Variants in SLC4A4 observed in about 807,000 individuals in gnomAD.
SLC4A4 encodes the protein solute carrier family 4 member 4, also known as electrogenic sodium bicarbonate cotransporter 1.
SLC4A4 carries 27 observed loss-of-function variants against 111.5 expected under a neutral mutation model. The ratio of observed to expected loss-of-function variants is 0.24; its 90% confidence interval spans 0.18 to 0.33. SLC4A4 has a LOEUF of 0.33. SLC4A4 is among the 10% of genes least tolerant of loss of function. The probability of loss-of-function intolerance (pLI) is 1.00; values close to 1 mark genes in which losing one functional copy is unlikely to be tolerated. For missense variants in SLC4A4, 909 were observed against 1,315.5 expected, an observed-to-expected ratio of 0.69 and a Z score of 4.78; for synonymous variants, 443 against 463.4, an observed-to-expected ratio of 0.96 and a Z score of 0.57.
intron 7 of SLC4A4, among the ~76,000 whole-genome samples, chr4:71,436,237 G>A (rs186391534): frequency 1.0e-3 from 155 of 152,248 alleles, no homozygotes; most frequent in African/African-American, 3.6e-3. Context: ...CATAAAAAAG[G>A]ATGAGTTCAT....
intron 23 of SLC4A4, among the ~76,000 whole-genome samples, chr4:71,563,371 G>C (rs1737162824): frequency 2.9e-5 from 1 of 34,488 alleles, no homozygotes; most frequent in Non-Finnish European, 1.8e-4. Context: ...GATCGGTCAT[G>C]ATTTTATCTA....
intron 13 of SLC4A4, among the ~76,000 whole-genome samples, chr4:71,470,106 T>C (rs1049255378): frequency 1.3e-5 from 2 of 152,054 alleles, no homozygotes; most frequent in Non-Finnish European, 2.9e-5. Context: ...GTCTCAGAAG[T>C]AACAGAACTG....
chr4:71,179,796 A>G (rs1455379217), intron 2 of SLC4A4, among the ~76,000 whole-genome samples: 3 of 152,204 alleles, frequency 2.0e-5, no homozygotes, highest in Non-Finnish European at 4.4e-5. Flanking sequence ...TTATAGATTC[A>G]ATGCCATCCC....
At chr4:71,155,655 G>A (rs941877249) in intron 2 of SLC4A4, among the ~76,000 whole-genome samples, 9 of 151,942 alleles carry the variant, frequency 5.9e-5, no homozygotes, top group African/African-American at 1.5e-4. Context: ...TTAGAGATGG[G>A]GTTTCACTCT....
intron 6 of SLC4A4, among the ~76,000 whole-genome samples, chr4:71,384,616 G>A (rs78704685): frequency 0.028 from 3,970 of 139,530 alleles, 100 homozygotes; most frequent in Middle Eastern, 0.056. Context: ...AGCCTGGGCG[G>A]CACAGCAAGA....
intron 1 of SLC4A4, among the ~76,000 whole-genome samples, chr4:71,193,214 C>T (rs1438602055): frequency 3.3e-5 from 5 of 152,150 alleles, no homozygotes; most frequent in Admixed American, 2.0e-4. Flanking sequence ...GGCTGGAGTG[C>T]GGTGGCCGGA....
chr4:71,088,442 T>A (rs1350743765), intron 1 of SLC4A4, among the ~76,000 whole-genome samples: 1 of 152,062 alleles, frequency 6.6e-6, no homozygotes, highest in Non-Finnish European at 1.5e-5. Flanking sequence ...TTGGATCCTG[T>A]CATCATGATG....
intron 18 of SLC4A4, among the ~76,000 whole-genome samples, chr4:71,541,702 G>T (rs1210767651): frequency 6.7e-6 from 1 of 148,484 alleles, no homozygotes; most frequent in Non-Finnish European, 1.5e-5. Context: ...CAGCAGTGAG[G>T]ATGGATGGGG....
In SLC4A4 at chr4:71,447,638, T is replaced by C. The variant is rs1373833717; in HGVS notation, c.966-8T>C. The stretch of plus-strand genomic sequence containing the variant: ...GTTATAGCCTTTGCTTCTTTCCTTT[T>C]CCATTAGGTTCTTGTTCATTCTCTT... On this transcript the variant is annotated splice_region_variant and splice_polypyrimidine_tract_variant and intron_variant, in intron 8 of 25. Transcript: ENST00000264485. 1 of 1,585,300 alleles carries C rather than the reference T, an allele frequency of 6.3e-7. No individual in the cohort carries two copies. Among genetic ancestry groups the C allele is most frequent in the Non-Finnish European group, 8.7e-7 (1 of 1,154,252 alleles).
intron 2 of SLC4A4, among the ~76,000 whole-genome samples, chr4:71,102,773 C>G (rs1742796044): frequency 6.6e-6 from 1 of 151,422 alleles, no homozygotes; most frequent in Non-Finnish European, 1.5e-5. Flanking sequence ...GAAGGAAGCA[C>G]TAAACATGGA....
chr4:71,176,223 T>C (rs917927609), intron 2 of SLC4A4, among the ~76,000 whole-genome samples: 17 of 151,794 alleles, frequency 1.1e-4, no homozygotes, highest in Non-Finnish European at 2.2e-4. Context: ...ACCACAAAGA[T>C]GGGGAAAAAA....
At chr4:71,385,191 A>ATATATATATATATATATT (rs56949097) in intron 6 of SLC4A4, among the ~76,000 whole-genome samples, 1 of 11,896 alleles carries the variant, frequency 8.4e-5, no homozygotes, top group Non-Finnish European at 1.6e-4. Flanking sequence ...ATATATATAT[A>ATATATATATATATATATT]TTTTTTTTTT....
At chr4:71,547,612 A>G in intron 19 of SLC4A4, 36 bp from the exon 20 acceptor site, 1 of 1,538,182 alleles carries the variant, frequency 6.5e-7, no homozygotes, top group Non-Finnish European at 9.0e-7. Context: ...TTATGAAGAC[A>G]AGAGGTAGAT....
chr4:71,342,951 G>A (rs917405304), intron 4 of SLC4A4, among the ~76,000 whole-genome samples: 98 of 152,232 alleles, frequency 6.4e-4, no homozygotes, highest in African/African-American at 2.2e-3. Flanking sequence ...CGTGTGTCAC[G>A]TCCACGCTGT....
At chr4:71,377,469 G>A (rs1219077861) in intron 6 of SLC4A4, among the ~76,000 whole-genome samples, 1 of 152,176 alleles carries the variant, frequency 6.6e-6, no homozygotes, top group Non-Finnish European at 1.5e-5. Context: ...TGGTTTTGTT[G>A]GGGTGAGAGG....
intron 23 of SLC4A4, among the ~76,000 whole-genome samples, chr4:71,562,121 A>G (rs771886233): frequency 1.3e-5 from 2 of 151,734 alleles, no homozygotes; most frequent in Non-Finnish European, 2.9e-5. Context: ...TTGTATTAAT[A>G]TTTACCATGT....
intron 3 of SLC4A4, among the ~76,000 whole-genome samples, chr4:71,297,746 C>T (rs1458365863): frequency 6.6e-6 from 1 of 151,902 alleles, no homozygotes; most frequent in Non-Finnish European, 1.5e-5. Flanking sequence ...TGCCACCACC[C>T]CTGGCTAATT....
At chr4:71,079,563 C>A (rs935681883) in intron 1 of SLC4A4, among the ~76,000 whole-genome samples, 4 of 151,992 alleles carry the variant, frequency 2.6e-5, no homozygotes, top group African/African-American at 9.7e-5. Flanking sequence ...ATTACTTAAG[C>A]TCAGAAGTTT....
chr4:71,277,594 T>TTCTC (rs942753047), intron 3 of SLC4A4, among the ~76,000 whole-genome samples: 2 of 146,886 alleles, frequency 1.4e-5, no homozygotes, highest in African/African-American at 5.1e-5. Flanking sequence ...CCTTCTTTCT[T>TTCTC]TCTCTCTCTC....
Sources: gnomAD v4.1 joint callset for allele counts (sites outside exome capture counted in the v4.1 genomes callset) on GRCh38, gnomAD v4.1.1 for gene constraint, MANE v1.5 for transcripts, NCBI Gene and HGNC (gene_info 2026-07-23, HGNC 2026-07-21) for gene names.